Variants in IL1RAPL2 observed in about 807,000 individuals in gnomAD.
IL1RAPL2 encodes interleukin 1 receptor accessory protein like 2.
Under a neutral mutation model 44.1 loss-of-function variants are expected in IL1RAPL2, and 3 were observed. The ratio of observed to expected loss-of-function variants is 0.07; its 90% CI spans 0.03 to 0.18. The LOEUF is 0.18. Ranked by LOEUF, IL1RAPL2 falls within the 10% of genes least tolerant of loss-of-function variation. The pLI is 1.00. For missense variants in IL1RAPL2, 391 were observed against 496.4 expected (o/e 0.79, Z 2.02); for synonymous variants, 181 against 178.8 (o/e 1.01, Z -0.10).
chrX:105,601,095 C>T (rs1358840004), intron 6 of IL1RAPL2, among the ~76,000 whole-genome samples: 2 of 111,114 alleles, frequency 1.8e-5, no homozygotes, highest in Admixed American at 9.6e-5. Flanking sequence ...TCCATATGTA[C>T]ATTAGGTAAT....
At chrX:105,738,435 G>A (rs1236960434) in intron 7 of IL1RAPL2, among the ~76,000 whole-genome samples, 1 of 111,275 alleles carries the variant, frequency 9.0e-6, no homozygotes, top group Non-Finnish European at 1.9e-5. Context: ...AAGCAGTCAT[G>A]TTTCCAATTT....
chrX:105,288,960 A>G (rs1035521347), intron 5 of IL1RAPL2, among the ~76,000 whole-genome samples: 1 of 111,371 alleles, frequency 9.0e-6, no homozygotes, highest in African/African-American at 3.3e-5. Flanking sequence ...TCACAGAGAG[A>G]ATTCTTGAAA....
intron 6 of IL1RAPL2, among the ~76,000 whole-genome samples, chrX:105,665,344 CGTGTGTGTGT>C (rs58453498): frequency 1.1e-4 from 11 of 98,553 alleles, no homozygotes; most frequent in South Asian, 1.0e-3. Context: ...TATGCGCGTG[CGTGTGTGTGT>C]GTGTGTGTGT....
intron 5 of IL1RAPL2, among the ~76,000 whole-genome samples, chrX:105,460,455 C>T (rs1389045282): frequency 1.8e-5 from 2 of 110,230 alleles, no homozygotes; most frequent in East Asian, 5.7e-4. Context: ...TCCCCCCTCT[C>T]ATCCTTCTTT....
At chrX:105,268,864 A>C (rs1389262046) in intron 5 of IL1RAPL2, among the ~76,000 whole-genome samples, 1 of 111,385 alleles carries the variant, frequency 9.0e-6, no homozygotes, top group Non-Finnish European at 1.9e-5. Context: ...GAGGAGATTG[A>C]TATGCTAATT....
intron 3 of IL1RAPL2, chrX:105,219,432 C>T (rs1486414572): frequency 2.5e-6 from 3 of 1,207,477 alleles, no homozygotes; most frequent in African/African-American, 3.5e-5. Flanking sequence ...TGTACTTTTC[C>T]TGATCAGCAT....
intron 3 of IL1RAPL2, among the ~76,000 whole-genome samples, chrX:105,225,679 A>G (rs953134861): frequency 1.9e-5 from 2 of 105,715 alleles, no homozygotes; most frequent in African/African-American, 7.0e-5. Flanking sequence ...ATTTTATTTT[A>G]TTTTATTTTA....
intron 3 of IL1RAPL2, among the ~76,000 whole-genome samples, chrX:105,214,688 A>G (rs1556162887): frequency 8.9e-6 from 1 of 112,035 alleles, no homozygotes; most frequent in Non-Finnish European, 1.9e-5. Flanking sequence ...TCTCAGTGCC[A>G]CATAGCACGT....
At chrX:104,967,218 TAACTC>T (rs1375557607) in intron 2 of IL1RAPL2, among the ~76,000 whole-genome samples, 4 of 112,071 alleles carry the variant, frequency 3.6e-5, no homozygotes, top group African/African-American at 9.7e-5. Flanking sequence ...CATGTTCTCT[TAACTC>T]AATACCATCA....
At chrX:105,056,500 A>G (rs1305547647) in intron 2 of IL1RAPL2, among the ~76,000 whole-genome samples, 2 of 112,127 alleles carry the variant, frequency 1.8e-5, no homozygotes. Flanking sequence ...AATTTGAAGA[A>G]ATCAAGAACT....
intron 2 of IL1RAPL2, among the ~76,000 whole-genome samples, chrX:105,084,278 G>C (rs2032451413): frequency 8.9e-6 from 1 of 112,606 alleles, no homozygotes; most frequent in Non-Finnish European, 1.9e-5. Flanking sequence ...TAGATCCACT[G>C]ACAGCTTGCA....
At position 104,608,046 on chromosome X, in the gene IL1RAPL2, G is replaced by A. The variant is rs548371953; in HGVS notation, c.-20+40995G>A. On this transcript the variant is annotated intron_variant, in intron 1 of 10. Coordinates refer to ENST00000372582, the MANE Select transcript of IL1RAPL2 (RefSeq NM_017416.2). ...CATATACACCATGGAATACTATGCA[G>A]CCATAAAAAAGGATGAGTTCATGTC... is the stretch of plus-strand genomic sequence containing the variant. Among the ~76,000 whole-genome samples the A allele has an allele frequency of 1.7e-4, 19 of 110,574 alleles. No homozygotes were observed. The South Asian group carries it at 4.9e-3, about 29-fold the overall frequency.
At chrX:104,949,355 C>G (rs1223694492) in intron 2 of IL1RAPL2, among the ~76,000 whole-genome samples, 14 of 110,929 alleles carry the variant, frequency 1.3e-4, no homozygotes, top group South Asian at 3.8e-4. Context: ...TTTGTTGATC[C>G]TTTCAAAAAA....
At position 105,113,032 on chromosome X, in the gene IL1RAPL2, G is replaced by A. The variant is rs868720087; in HGVS notation, c.83-82443G>A. 1.1e-4 allele frequency among the ~76,000 whole-genome samples: 12 copies of A among 112,509 alleles called. No homozygotes were observed. The South Asian group carries it at 4.4e-3, about 41-fold the overall frequency. On this transcript the variant is annotated intron_variant, in intron 2 of 10. Transcript: ENST00000372582. ...GGCAGTCTGTACAGATCTCACCTCT[G>A]GTAACCAAAAGCAAGCATCTTTGCA...
chrX:105,104,814 A>T (rs772400544), intron 2 of IL1RAPL2, among the ~76,000 whole-genome samples: 1 of 112,442 alleles, frequency 8.9e-6, no homozygotes, highest in Non-Finnish European at 1.9e-5. Context: ...AAGCTGTGAT[A>T]AATGCTATTG....
chrX:104,725,501 C>T (rs1931771456), intron 2 of IL1RAPL2, among the ~76,000 whole-genome samples: 1 of 112,042 alleles, frequency 8.9e-6, no homozygotes, highest in Non-Finnish European at 1.9e-5. Context: ...CTCCCACCAA[C>T]AGTGTAAAAG....
chrX:104,946,395 A>AAAAAAAAC (rs1925358407), intron 2 of IL1RAPL2, among the ~76,000 whole-genome samples: 1 of 93,854 alleles, frequency 1.1e-5, no homozygotes, highest in Non-Finnish European at 2.1e-5. Context: ...AAAAAAAAAA[A>AAAAAAAAC]AAAAAAAAAA....
intron 6 of IL1RAPL2, among the ~76,000 whole-genome samples, chrX:105,515,292 T>C (rs1437799516): frequency 8.9e-6 from 1 of 111,846 alleles, no homozygotes; most frequent in African/African-American, 3.2e-5. Flanking sequence ...TAATGGTAAC[T>C]AAAGAAACTC....
chrX:104,754,067 G>A (rs964273295), intron 2 of IL1RAPL2, among the ~76,000 whole-genome samples: 2 of 111,588 alleles, frequency 1.8e-5, no homozygotes, highest in African/African-American at 6.5e-5. Context: ...AAAGTTAAAT[G>A]ACTTGCTCAA....
Sources: allele counts gnomAD v4.1 joint callset (sites outside exome capture counted in the v4.1 genomes callset), GRCh38; gene constraint gnomAD v4.1.1; transcripts MANE v1.5; gene names NCBI Gene and HGNC (gene_info 2026-07-23, HGNC 2026-07-21).